SCMH1: variants seen among roughly 807,000 people sequenced by gnomAD.
SCMH1 encodes Scm polycomb group protein homolog 1.
SCMH1 carries 37 observed loss-of-function variants against 70.8 expected under a neutral mutation model. The observed-to-expected ratio is 0.52, with a 90% CI of 0.40 to 0.69. The LOEUF (loss-of-function observed/expected upper bound fraction) is 0.69, where lower values mean the gene tolerates loss of function less well. Ranked by LOEUF, SCMH1 falls within the 30% of genes least tolerant of loss-of-function variation. SCMH1 has a pLI of 0.00. For synonymous variants in SCMH1, 292 were observed against 307.4 expected, an observed-to-expected ratio of 0.95 and a Z score of 0.52; for missense variants, 607 against 827.3, an observed-to-expected ratio of 0.73 and a Z score of 3.27.
At chr1:41,223,513 CT>C (rs139919027) in intron 1 of SCMH1, among the ~76,000 whole-genome samples, 49 of 145,448 alleles carry the variant, frequency 3.4e-4, no homozygotes, top group African/African-American at 4.5e-4. Context: ...GTAATTTTAT[CT>C]TTTTTTTTTT....
intron 8 of SCMH1, among the ~76,000 whole-genome samples, chr1:41,082,405 A>G (rs1660298823): frequency 1.3e-5 from 2 of 152,216 alleles, no homozygotes; most frequent in African/African-American, 4.8e-5. Flanking sequence ...AGTGGGGGCC[A>G]ATATTCAACA....
chr1:41,141,826 CAGACAG>C (rs1557629219), intron 6 of SCMH1, among the ~76,000 whole-genome samples: 3 of 148,768 alleles, frequency 2.0e-5, no homozygotes, highest in African/African-American at 7.3e-5. Context: ...AAGAGAGAGA[CAGACAG>C]AGACAGACAA....
chr1:41,212,238 A>G (rs1657190578), intron 1 of SCMH1, among the ~76,000 whole-genome samples: 1 of 152,196 alleles, frequency 6.6e-6, no homozygotes, highest in Non-Finnish European at 1.5e-5. Context: ...GGATCATTAC[A>G]TAAAGGTAAT....
chr1:41,199,985 T>G (rs1653923731), intron 1 of SCMH1, among the ~76,000 whole-genome samples: 1 of 152,224 alleles, frequency 6.6e-6, no homozygotes, highest in South Asian at 2.1e-4. Flanking sequence ...AGTTTACTTA[T>G]CATAGACCAT....
chr1:41,170,636 A>G (rs1388363909), intron 2 of SCMH1, among the ~76,000 whole-genome samples: 1 of 152,168 alleles, frequency 6.6e-6, no homozygotes, highest in Admixed American at 6.5e-5. Context: ...CCTAAAATAA[A>G]CAAAACCTCA....
intron 8 of SCMH1, among the ~76,000 whole-genome samples, chr1:41,083,307 CACAA>C (rs1558723576): frequency 6.6e-6 from 1 of 152,172 alleles, no homozygotes; most frequent in Non-Finnish European, 1.5e-5. Flanking sequence ...GTACAAAAAT[CACAA>C]ACATTCTTAT....
At chr1:41,097,283 A>C (rs931216361) in intron 8 of SCMH1, among the ~76,000 whole-genome samples, 2 of 152,192 alleles carry the variant, frequency 1.3e-5, no homozygotes, top group African/African-American at 4.8e-5. Flanking sequence ...TCTGCTAATG[A>C]CACGGTCTAC....
intron 5 of SCMH1, among the ~76,000 whole-genome samples, chr1:41,150,063 G>T (rs1339086692): frequency 6.6e-6 from 1 of 151,886 alleles, no homozygotes; most frequent in Non-Finnish European, 1.5e-5. Context: ...TAGGGAGTCT[G>T]CTGGGCTCAA....
At chr1:41,238,226 C>A (rs537366081) in intron 1 of SCMH1, among the ~76,000 whole-genome samples, 2 of 152,198 alleles carry the variant, frequency 1.3e-5, no homozygotes, top group Non-Finnish European at 2.9e-5. Context: ...CTGATTGTTC[C>A]CTACCCACCC....
intron 8 of SCMH1, among the ~76,000 whole-genome samples, chr1:41,076,508 T>A (rs755253440): frequency 2.0e-5 from 3 of 152,184 alleles, no homozygotes; most frequent in Middle Eastern, 3.4e-3. Flanking sequence ...GGAGCTTACC[T>A]CCTAGTGAGA....
intron 2 of SCMH1, among the ~76,000 whole-genome samples, chr1:41,169,308 A>C (rs2148493076): frequency 6.6e-6 from 1 of 152,280 alleles, no homozygotes; most frequent in South Asian, 2.1e-4. Context: ...TCAGCTCCCG[A>C]ATGTAAGTTC....
chr1:41,176,901 T>C (rs1647189859), intron 2 of SCMH1, among the ~76,000 whole-genome samples: 1 of 152,148 alleles, frequency 6.6e-6, no homozygotes, highest in Admixed American at 6.5e-5. Context: ...AAGAGAGTAG[T>C]GGTTCTCCCA....
intron 1 of SCMH1, among the ~76,000 whole-genome samples, chr1:41,213,884 AT>A (rs200250970): frequency 2.1e-4 from 30 of 140,640 alleles, no homozygotes; most frequent in East Asian, 1.0e-3. Flanking sequence ...AATTGCTTAC[AT>A]TTTTTTTTAA....
intron 2 of SCMH1, among the ~76,000 whole-genome samples, chr1:41,166,236 T>G (rs1646400500): frequency 6.6e-6 from 1 of 152,150 alleles, no homozygotes; most frequent in Non-Finnish European, 1.5e-5. Flanking sequence ...CTTTTTTGAT[T>G]GCTATAGCTT....
At chr1:41,139,972 GGT>G (rs1415700196) in intron 6 of SCMH1, among the ~76,000 whole-genome samples, 1 of 152,060 alleles carries the variant, frequency 6.6e-6, no homozygotes, top group African/African-American at 2.4e-5. Flanking sequence ...TTATTAAGTT[GGT>G]GGTACAGTCA....
intron 2 of SCMH1, among the ~76,000 whole-genome samples, chr1:41,177,269 A>G (rs1161930638): frequency 6.6e-6 from 1 of 152,226 alleles, no homozygotes; most frequent in African/African-American, 2.4e-5. Flanking sequence ...CTAAAGGTAG[A>G]TAAAACCACA....
chr1:41,118,616 A>G (rs577962420), intron 6 of SCMH1, among the ~76,000 whole-genome samples: 1 of 152,366 alleles, frequency 6.6e-6, no homozygotes, highest in East Asian at 1.9e-4. Flanking sequence ...GACATTGGAA[A>G]GGATTGTCCT....
intron 8 of SCMH1, among the ~76,000 whole-genome samples, chr1:41,090,329 T>G (rs958478360): frequency 2.0e-5 from 3 of 152,204 alleles, no homozygotes; most frequent in Non-Finnish European, 4.4e-5. Flanking sequence ...CATTATTTTA[T>G]ATTTTTGCAA....
intron 10 of SCMH1, among the ~76,000 whole-genome samples, chr1:41,057,650 C>G (rs1022303058): frequency 2.0e-5 from 3 of 152,124 alleles, no homozygotes; most frequent in East Asian, 3.8e-4. Context: ...GCGGCACACT[C>G]AGATATGGCA....
Sources: allele counts gnomAD v4.1 joint callset (sites outside exome capture counted in the v4.1 genomes callset), GRCh38; gene constraint gnomAD v4.1.1; transcripts MANE v1.5; gene names NCBI Gene and HGNC (gene_info 2026-07-23, HGNC 2026-07-21).